The following LRMDA variants were observed in gnomAD, a reference collection of about 807,000 sequenced individuals.
LRMDA encodes the protein leucine-rich melanocyte differentiation-associated protein.
A neutral mutation model predicts 29.8 loss-of-function variants in LRMDA; 18 were observed. That is an observed-to-expected ratio of 0.60 (90% confidence interval 0.42 to 0.90). LRMDA has a LOEUF of 0.90. LRMDA is among the 40% of genes least tolerant of loss of function. LRMDA has a pLI of 0.00. For missense variants in LRMDA, 273 were observed against 273.9 expected, an observed-to-expected ratio of 1.00 and a Z score of 0.02; for synonymous variants, 125 against 109.4, an observed-to-expected ratio of 1.14 and a Z score of -0.89.
At chr10:76,264,443 A>C (rs914257600) in intron 5 of LRMDA, among the ~76,000 whole-genome samples, 13 of 116,306 alleles carry the variant, frequency 1.1e-4, no homozygotes, top group South Asian at 3.2e-4. Flanking sequence ...AAAAAAAAAA[A>C]AAAAAAAAAA....
At chr10:75,699,888 A>G (rs148485982) in intron 2 of LRMDA, among the ~76,000 whole-genome samples, 1 of 152,200 alleles carries the variant, frequency 6.6e-6, no homozygotes, top group Admixed American at 6.5e-5. Flanking sequence ...GAAATTTGGT[A>G]CAGACAGAAG....
At chr10:76,543,870 C>T (rs1430967722) in intron 6 of LRMDA, among the ~76,000 whole-genome samples, 1 of 152,134 alleles carries the variant, frequency 6.6e-6, no homozygotes, top group African/African-American at 2.4e-5. Flanking sequence ...TGCTGGAGGC[C>T]TACCAATAGT....
chr10:75,677,733 A>T (rs1441942285), intron 2 of LRMDA, among the ~76,000 whole-genome samples: 1 of 152,190 alleles, frequency 6.6e-6, no homozygotes, highest in Non-Finnish European at 1.5e-5. Flanking sequence ...GATGATTAAC[A>T]GTGTGGATTT....
chr10:75,688,571 GA>G lies in LRMDA; in HGVS notation c.131+250079del, dbSNP rs1842109149. On this transcript the variant is annotated intron_variant, in intron 2 of 6. Coordinates refer to ENST00000611255, the MANE Select transcript of LRMDA (RefSeq NM_001305581.2). ...AATCTACTCCTGGTGAAGATGCTGT[GA>G]ACATTGTTGAAATGACAACAAAGGA... Among the ~76,000 whole-genome samples the G allele has an allele frequency of 2.0e-5, 3 of 152,210 alleles. No individual in the cohort carries two copies. The South Asian group carries it at 6.2e-4, about 31-fold the overall frequency.
intron 6 of LRMDA, among the ~76,000 whole-genome samples, chr10:76,519,764 C>G (rs1286236556): frequency 6.6e-6 from 1 of 152,088 alleles, no homozygotes; most frequent in Non-Finnish European, 1.5e-5. Flanking sequence ...ACTCAACTTG[C>G]TCAATGAGTT....
intron 2 of LRMDA, among the ~76,000 whole-genome samples, chr10:75,845,231 TTTTG>T (rs1564584226): frequency 6.6e-6 from 1 of 152,178 alleles, no homozygotes; most frequent in Non-Finnish European, 1.5e-5. Flanking sequence ...AAATGCAATA[TTTTG>T]TTTGCAGACG....
At chr10:75,543,610 C>T (rs1185664938) in intron 2 of LRMDA, among the ~76,000 whole-genome samples, 1 of 152,138 alleles carries the variant, frequency 6.6e-6, no homozygotes, top group African/African-American at 2.4e-5. Flanking sequence ...GGATTTGACT[C>T]TCTATGGGAA....
chr10:76,097,725 A>AT (rs1286504139), intron 5 of LRMDA, among the ~76,000 whole-genome samples: 1 of 152,112 alleles, frequency 6.6e-6, no homozygotes, highest in African/African-American at 2.4e-5. Context: ...TCATTGATTG[A>AT]TTTTTGAATA....
At chr10:76,322,633 T>C (rs1190759633) in intron 5 of LRMDA, among the ~76,000 whole-genome samples, 1 of 152,202 alleles carries the variant, frequency 6.6e-6, no homozygotes, top group African/African-American at 2.4e-5. Flanking sequence ...TTTGTTCCAG[T>C]AATTGTAGAA....
intron 6 of LRMDA, among the ~76,000 whole-genome samples, chr10:76,393,084 A>G (rs935075344): frequency 6.6e-6 from 1 of 152,142 alleles, no homozygotes; most frequent in Non-Finnish European, 1.5e-5. Context: ...CCATTCATTC[A>G]TTGATGGAAC....
intron 4 of LRMDA, among the ~76,000 whole-genome samples, chr10:76,055,635 G>T (rs1018666616): frequency 2.6e-5 from 4 of 152,202 alleles, no homozygotes; most frequent in African/African-American, 9.7e-5. Context: ...GTGGTAAGGG[G>T]TACATGAGCA....
chr10:75,797,134 A>G (rs1272859999), intron 2 of LRMDA, among the ~76,000 whole-genome samples: 3 of 152,102 alleles, frequency 2.0e-5, no homozygotes, highest in Non-Finnish European at 4.4e-5. Context: ...AAATTATTAT[A>G]ACTTTAATTT....
At chr10:76,243,157 C>A (rs1852309279) in intron 5 of LRMDA, among the ~76,000 whole-genome samples, 1 of 152,144 alleles carries the variant, frequency 6.6e-6, no homozygotes, top group Non-Finnish European at 1.5e-5. Flanking sequence ...TCACGACAAG[C>A]CTCGGAGTGA....
chr10:76,056,574 A>G (rs1848618115), intron 4 of LRMDA, among the ~76,000 whole-genome samples: 1 of 152,196 alleles, frequency 6.6e-6, no homozygotes. Flanking sequence ...TGCTGTGCTC[A>G]TCAGCACCCA....
intron 6 of LRMDA, among the ~76,000 whole-genome samples, chr10:76,459,598 T>A (rs1009922764): frequency 1.3e-5 from 2 of 152,004 alleles, no homozygotes; most frequent in Non-Finnish European, 2.9e-5. Flanking sequence ...AAATGTGTGG[T>A]TGAGTGAGGG....
intron 2 of LRMDA, among the ~76,000 whole-genome samples, chr10:75,468,926 C>A (rs1844691751): frequency 6.6e-6 from 1 of 152,024 alleles, no homozygotes; most frequent in Non-Finnish European, 1.5e-5. Context: ...TGGAAGTGCA[C>A]CAAACTAGGA....
At chr10:76,393,855 G>A (rs1174238176) in intron 6 of LRMDA, among the ~76,000 whole-genome samples, 2 of 152,072 alleles carry the variant, frequency 1.3e-5, no homozygotes, top group African/African-American at 4.8e-5. Context: ...TGAGATAAGG[G>A]TCTAATTTTT....
chr10:76,488,280 A>G lies in LRMDA; in HGVS notation c.602-68929A>G, dbSNP rs534425921. 2.6e-5 allele frequency among the ~76,000 whole-genome samples: 4 copies of G among 151,984 alleles called. No individual in the cohort carries two copies. The East Asian group carries it at 7.8e-4, about 30-fold the overall frequency. ...GAATAAATTTGGACTTATATATATGAGAAATTATCATCCCTAAATTTCCCT... is the reference window on the plus strand; with the variant it reads ...GAATAAATTTGGACTTATATATATGGGAAATTATCATCCCTAAATTTCCCT... On this transcript the variant is annotated intron_variant, in intron 6 of 6. Coordinates refer to ENST00000611255, the MANE Select transcript of LRMDA (RefSeq NM_001305581.2).
At chr10:76,063,374 T>C (rs998717827) in intron 5 of LRMDA, among the ~76,000 whole-genome samples, 8 of 152,218 alleles carry the variant, frequency 5.3e-5, no homozygotes, top group Non-Finnish European at 1.0e-4. Context: ...AATCTCTCTG[T>C]GTGTATACAT....
Sources: gnomAD v4.1 joint callset for allele counts (sites outside exome capture counted in the v4.1 genomes callset) on GRCh38, gnomAD v4.1.1 for gene constraint, MANE v1.5 for transcripts, NCBI Gene and HGNC (gene_info 2026-07-23, HGNC 2026-07-21) for gene names.